GSE1: variants seen among roughly 807,000 people sequenced by gnomAD.
The protein encoded by GSE1 is genetic suppressor element 1.
Under a neutral mutation model 112.6 loss-of-function variants are expected in GSE1, and 32 were observed. That is an observed-to-expected ratio of 0.28 (90% confidence interval 0.21 to 0.38). The LOEUF (loss-of-function observed/expected upper bound fraction) is 0.38, where lower values mean the gene tolerates loss of function less well. Ranked by LOEUF, GSE1 falls within the 10% of genes least tolerant of loss-of-function variation. The pLI is 1.00. For missense variants in GSE1, 2,348 were observed against 1,699.2 expected (o/e 1.38, Z -6.71); for synonymous variants, 1,115 against 735.6 (o/e 1.52, Z -8.35).
chr16:85,531,558 G>A (rs1162410410), intron 2 of GSE1, among the ~76,000 whole-genome samples: 1 of 152,204 alleles, frequency 6.6e-6, no homozygotes, highest in Admixed American at 6.5e-5. Flanking sequence ...ACCCAAGGAT[G>A]GCCCCGCTGG....
At position 85,648,694 on chromosome 16, in the gene GSE1, G is replaced by C; in HGVS notation, c.369G>C (p.Val123=). The C allele has an allele frequency of 6.2e-7, 1 of 1,608,674 alleles. No homozygotes were observed. Among genetic ancestry groups the C allele is most frequent in the East Asian group, 2.2e-5 (1 of 44,514 alleles). The change falls in exon 3 of 16, where the codon GTG becomes GTC. Residue 123 remains valine (V), a synonymous_variant. Coordinates refer to ENST00000253458, the MANE Select transcript of GSE1 (RefSeq NM_014615.5). ...ACAGCGTGCCCAGCACCCCCCCCGT[G>C]GTGACCATCGCTCCAACCAAAACCG... is the stretch of plus-strand genomic sequence containing the variant. ...GGHSVPSTPP[V]VTIAPTKTVN...
chr16:85,396,714 A>G (rs1390307067), intron 2 of GSE1, among the ~76,000 whole-genome samples: 1 of 152,216 alleles, frequency 6.6e-6, no homozygotes, highest in Admixed American at 6.5e-5. Context: ...ACGCTACACA[A>G]GTGGGAGGCC....
intron 2 of GSE1, among the ~76,000 whole-genome samples, chr16:85,391,094 C>A (rs369022209): frequency 4.6e-5 from 7 of 152,186 alleles, no homozygotes; most frequent in Non-Finnish European, 7.4e-5. Context: ...ACCGCCCCCC[C>A]ACCGCCCCAG....
intron 2 of GSE1, among the ~76,000 whole-genome samples, chr16:85,547,487 C>T (rs2044741567): frequency 6.6e-6 from 1 of 152,006 alleles, no homozygotes; most frequent in African/African-American, 2.4e-5. Context: ...TTTGTCTGTT[C>T]CTCTTTTAAA....
intron 1 of GSE1, among the ~76,000 whole-genome samples, chr16:85,287,662 T>G (rs1458382637): frequency 2.0e-5 from 3 of 152,092 alleles, no homozygotes; most frequent in African/African-American, 7.2e-5. Flanking sequence ...GGGTCTTTCC[T>G]GACCACCCTT....
chr16:85,332,466 G>A (rs563220043), intron 1 of GSE1, among the ~76,000 whole-genome samples: 1 of 152,294 alleles, frequency 6.6e-6, no homozygotes, highest in East Asian at 1.9e-4. Flanking sequence ...GAGGCTCAGG[G>A]AGGGGATGTG....
At chr16:85,410,330 C>A (rs2048482074) in intron 2 of GSE1, among the ~76,000 whole-genome samples, 2 of 62,690 alleles carry the variant, frequency 3.2e-5, no homozygotes, top group African/African-American at 2.2e-4. Flanking sequence ...ACACTCAGGC[C>A]CCCCTGGATA....
intron 3 of GSE1, among the ~76,000 whole-genome samples, chr16:85,651,460 TG>T (rs2051349029): frequency 6.6e-6 from 1 of 152,108 alleles, no homozygotes; most frequent in South Asian, 2.1e-4. Flanking sequence ...AGGTGCCATC[TG>T]GCCTGCGAGC....
chr16:85,300,275 G>A (rs2151459261), intron 1 of GSE1, among the ~76,000 whole-genome samples: 1 of 152,284 alleles, frequency 6.6e-6, no homozygotes, highest in East Asian at 1.9e-4. Context: ...GCCTCCCAAA[G>A]TGCTGGGATT....
intron 2 of GSE1, among the ~76,000 whole-genome samples, chr16:85,504,946 G>C (rs995549938): frequency 6.6e-6 from 1 of 152,218 alleles, no homozygotes; most frequent in Non-Finnish European, 1.5e-5. Flanking sequence ...TTATGACGAT[G>C]AAGTCGCTGC....
chr16:85,235,012 T>TCGCATCC (rs1443585893), intron 1 of GSE1, among the ~76,000 whole-genome samples: 1 of 151,370 alleles, frequency 6.6e-6, no homozygotes, highest in Non-Finnish European at 1.5e-5. Flanking sequence ...TCCTGGCTCC[T>TCGCATCC]CGCATCCCCA....
intron 1 of GSE1, among the ~76,000 whole-genome samples, chr16:85,324,347 T>G (rs147913886): frequency 0.021 from 3,153 of 152,106 alleles, 104 homozygotes; most frequent in African/African-American, 0.073. Context: ...CCGTCTCTAC[T>G]AAAAATACAA....
chr16:85,344,609 A>C (rs1443596360), intron 1 of GSE1, among the ~76,000 whole-genome samples: 1 of 152,242 alleles, frequency 6.6e-6, no homozygotes, highest in African/African-American at 2.4e-5. Context: ...GAGCTTCACA[A>C]CACAGACTCA....
chr16:85,621,313 G>A (rs1337805503), intron 1 of GSE1, among the ~76,000 whole-genome samples: 2 of 152,116 alleles, frequency 1.3e-5, no homozygotes, highest in Non-Finnish European at 2.9e-5. Flanking sequence ...GGGTCTCTGC[G>A]GTGTTGGGGG....
intron 2 of GSE1, among the ~76,000 whole-genome samples, chr16:85,456,332 C>T (rs908577882): frequency 2.0e-5 from 3 of 152,030 alleles, no homozygotes; most frequent in African/African-American, 7.3e-5. Context: ...GTGGGGAGGC[C>T]CTGTGAGAGG....
intron 2 of GSE1, among the ~76,000 whole-genome samples, chr16:85,474,171 G>T (rs904963071): frequency 6.6e-6 from 1 of 152,146 alleles, no homozygotes; most frequent in African/African-American, 2.4e-5. Flanking sequence ...CCAGACGAGA[G>T]GTGCTGGGCC....
chr16:85,431,352 T>C (rs2049116666), intron 2 of GSE1, among the ~76,000 whole-genome samples: 2 of 152,224 alleles, frequency 1.3e-5, no homozygotes, highest in Non-Finnish European at 2.9e-5. Flanking sequence ...GCAAAATCTT[T>C]GTGTTTTCAA....
In GSE1 at chr16:85,225,375, G is replaced by A. The variant is rs533942118; in HGVS notation, c.2283+53568G>A. On this transcript the variant is annotated intron_variant, in intron 1 of 2. Transcript: ENST00000637419. ...GCAGAGCAGTCAGTGCAGAGGGCCCGAGGAGGGAACGGGTGTGGGGCTTCC... is the reference window on the plus strand; with the variant it reads ...GCAGAGCAGTCAGTGCAGAGGGCCCAAGGAGGGAACGGGTGTGGGGCTTCC... 1.7e-3 allele frequency among the ~76,000 whole-genome samples: 260 copies of A among 152,296 alleles called. 1 individual carries two copies. The highest frequency in any genetic ancestry group is 3.0e-3 in the Non-Finnish European group (205 of 68,016).
chr16:85,184,007 TATC>T (rs937007227), intron 1 of GSE1, among the ~76,000 whole-genome samples: 3 of 152,196 alleles, frequency 2.0e-5, no homozygotes, highest in Non-Finnish European at 4.4e-5. Context: ...TGGCCTTACT[TATC>T]ATTCCCCAGA....
Sources: gnomAD v4.1 joint callset for allele counts (sites outside exome capture counted in the v4.1 genomes callset) on GRCh38, gnomAD v4.1.1 for gene constraint, MANE v1.5 for transcripts, NCBI Gene and HGNC (gene_info 2026-07-23, HGNC 2026-07-21) for gene names.